The following CDC45 variants were observed in gnomAD, a reference collection of about 807,000 sequenced individuals.
The protein encoded by CDC45 is cell division control protein 45 homolog.
Under a neutral mutation model 77.8 loss-of-function variants are expected in CDC45, and 54 were observed. The ratio of observed to expected loss-of-function variants is 0.69; its 90% CI spans 0.56 to 0.87. The LOEUF (loss-of-function observed/expected upper bound fraction) is 0.87. Ranked by LOEUF, CDC45 falls within the 40% of genes least tolerant of loss-of-function variation. CDC45 has a pLI of 0.00. For synonymous variants in CDC45, 260 were observed against 272.1 expected (o/e 0.96, Z 0.44); for missense variants, 649 against 721.6 (o/e 0.90, Z 1.15).
At chr22:19,498,013 GAA>G (rs11289637) in intron 8 of CDC45, among the ~76,000 whole-genome samples, 7 of 149,872 alleles carry the variant, frequency 4.7e-5, no homozygotes, top group Middle Eastern at 3.4e-3. Flanking sequence ...ACCAAAAATA[GAA>G]AAAAAAAAAT....
intron 9 of CDC45, among the ~76,000 whole-genome samples, chr22:19,499,664 C>G (rs1178205921): frequency 6.6e-6 from 1 of 152,228 alleles, no homozygotes; most frequent in East Asian, 1.9e-4. Flanking sequence ...ATCTGATAGA[C>G]TGACGGTGAG....
chr22:19,517,390 C>T (rs1191309485), intron 17 of CDC45, among the ~76,000 whole-genome samples: 2 of 152,206 alleles, frequency 1.3e-5, no homozygotes, highest in Non-Finnish European at 2.9e-5. Context: ...GTCAGATGAG[C>T]CCAGAATGGA....
chr22:19,483,180 C>CCCAGCACTT (rs1219378877), intron 4 of CDC45, among the ~76,000 whole-genome samples: 1 of 152,174 alleles, frequency 6.6e-6, no homozygotes, highest in Non-Finnish European at 1.5e-5. Context: ...CGCCTGTAAT[C>CCCAGCACTT]CCAGCACTTT....
chr22:19,519,874 C>T (rs1346102918), intron 18 of CDC45, among the ~76,000 whole-genome samples: 3 of 152,088 alleles, frequency 2.0e-5, no homozygotes, highest in Non-Finnish European at 4.4e-5. Context: ...GAGTCAGACC[C>T]TCGGGGTTTT....
intron 9 of CDC45, among the ~76,000 whole-genome samples, chr22:19,500,464 T>C (rs1202707890): frequency 6.6e-6 from 1 of 152,188 alleles, no homozygotes; most frequent in African/African-American, 2.4e-5. Context: ...CTCCGAAACA[T>C]GTAGACCCTG....
intron 4 of CDC45, 129 bp downstream of exon 4, chr22:19,482,956 T>C (rs865888325): frequency 1.7e-5 from 13 of 781,470 alleles, no homozygotes; most frequent in Middle Eastern, 2.4e-4. Flanking sequence ...ACACAAGAAC[T>C]TGGTCTTTGT....
intron 6 of CDC45, among the ~76,000 whole-genome samples, 194 bp from the exon 7 acceptor site, chr22:19,495,787 A>G (rs1306006231): frequency 2.6e-5 from 4 of 152,224 alleles, no homozygotes; most frequent in Admixed American, 2.6e-4. Context: ...ACACCACTGC[A>G]CTTCAGCCTG....
intron 12 of CDC45, among the ~76,000 whole-genome samples, chr22:19,508,086 A>G (rs1933302904): frequency 6.6e-6 from 1 of 152,070 alleles, no homozygotes; most frequent in African/African-American, 2.4e-5. Context: ...GACTTCTTCA[A>G]GCTTGTGAGG....
At position 19,514,771 on chromosome 22, in the gene CDC45, C is replaced by A; in HGVS notation, c.1240C>A (p.His414Asn). The A allele has an allele frequency of 6.2e-7, 1 of 1,612,774 alleles. No individual in the cohort carries two copies. Among genetic ancestry groups the A allele is most frequent in the Non-Finnish European group, 8.5e-7 (1 of 1,179,298 alleles). ...LSRSNLDKLY[H>N]GLELAKKQLR... ...CAGGAGTAACCTGGACAAGCTGTAC[C>A]ATGGCCTGGAACTCGCCAAGAAGCA... Residue 414 changes from histidine to asparagine, a missense_variant, in exon 14 of 19, where the codon CAT (histidine) becomes AAT (asparagine). Coordinates refer to ENST00000263201, the MANE Select transcript of CDC45 (RefSeq NM_003504.5).
chr22:19,513,794 TC>T (rs1444827570), intron 13 of CDC45, among the ~76,000 whole-genome samples: 1 of 152,170 alleles, frequency 6.6e-6, no homozygotes, highest in Non-Finnish European at 1.5e-5. Flanking sequence ...TCTTTACTAT[TC>T]CCCCCACAGA....
intron 3 of CDC45, 93 bp from the exon 4 acceptor site, chr22:19,482,597 A>C: frequency 2.2e-6 from 3 of 1,358,666 alleles, no homozygotes; most frequent in Non-Finnish European, 3.1e-6. Context: ...TCAGGGACTG[A>C]GTGAGTTTAA....
rs756450477 is a variant in CDC45 at position 19,483,930 on chromosome 22, AGAG to A, written c.417_419del (p.Glu139del). 6.2e-7 allele frequency: 1 copy of A among 1,613,896 alleles called. No homozygotes were observed. Among genetic ancestry groups the A allele is most frequent in the South Asian group, 1.1e-5 (1 of 91,020 alleles). On this transcript the variant is annotated inframe_deletion, in exon 5 of 19. Coordinates refer to ENST00000263201, the MANE Select transcript of CDC45 (RefSeq NM_003504.5). Reference sequence around the variant, plus strand: ...CCTATGAAGACATCTTCAGGGATGAAGAGGAGGATGAAGAGCATTCAGGAAATG... The same window carrying A: ...CCTATGAAGACATCTTCAGGGATGAAGAGGATGAAGAGCATTCAGGAAATG...
chr22:19,505,520 C>G, intron 10 of CDC45, 39 bp downstream of exon 10: 1 of 1,609,494 alleles, frequency 6.2e-7, no homozygotes, highest in Non-Finnish European at 8.5e-7. Context: ...CAGGCAGCAC[C>G]CCTGCTCAGC....
chr22:19,514,836 C>T lies in CDC45; in HGVS notation c.1305C>T (p.Cys435=). Reference sequence around the variant, plus strand: ...AGCAGACCATTGCCAGCTGCCTTTGCACCAACCTCGTCATCTCCCAGGGGC... The same window carrying T: ...AGCAGACCATTGCCAGCTGCCTTTGTACCAACCTCGTCATCTCCCAGGGGC... The part of the protein sequence containing the change: ...ATQQTIASCL[C]TNLVISQGPF... The change falls in exon 14 of 19, where the codon TGC becomes TGT. Residue 435 remains cysteine, a synonymous_variant. Coordinates refer to ENST00000263201, the MANE Select transcript of CDC45 (RefSeq NM_003504.5). 4 of 1,614,214 alleles carry T rather than the reference C, an allele frequency of 2.5e-6. No homozygotes were observed. Among genetic ancestry groups the T allele is most frequent in the Non-Finnish European group, 3.4e-6 (4 of 1,180,028 alleles).
chr22:19,505,125 C>T (rs988205512), intron 9 of CDC45: 4 of 535,320 alleles, frequency 7.5e-6, no homozygotes, highest in African/African-American at 1.9e-5. Flanking sequence ...AGGTGTGAGA[C>T]CCATGAGGAC....
chr22:19,485,239 A>C (rs1263966946), intron 5 of CDC45, among the ~76,000 whole-genome samples: 2 of 152,208 alleles, frequency 1.3e-5, no homozygotes, highest in Non-Finnish European at 2.9e-5. Flanking sequence ...TAAGTCTTGG[A>C]ATTTTCCACT....
At chr22:19,488,480 C>G (rs1268581126) in intron 5 of CDC45, among the ~76,000 whole-genome samples, 2 of 152,220 alleles carry the variant, frequency 1.3e-5, no homozygotes, top group Non-Finnish European at 2.9e-5. Context: ...TACAACATGA[C>G]TGCTCAGGCT....
chr22:19,489,940 C>T (rs2090129182), intron 5 of CDC45, among the ~76,000 whole-genome samples: 1 of 152,182 alleles, frequency 6.6e-6, no homozygotes, highest in African/African-American at 2.4e-5. Context: ...TCACTTTTTA[C>T]TTCACGTATT....
chr22:19,482,736 T>C lies in CDC45; in HGVS notation c.251T>C (p.Leu84Ser). 6.2e-7 allele frequency: 1 copy of C among 1,612,646 alleles called. No individual in the cohort carries two copies. Residue 84 changes from leucine to serine, a missense_variant, in exon 4 of 19, where the codon TTG becomes TCG. Physicochemically the swap from Leu to Ser is moderately radical, Grantham distance 145. Transcript: ENST00000263201. Reference protein sequence around the residue: ...LINCGANVDLLDILQPDEDTI... With the variant: ...LINCGANVDLSDILQPDEDTI... ...AACTGTGGAGCTAATGTAGACCTAT[T>C]GGATATTCTTCAACCTGATGAAGAC...
Sources: gnomAD v4.1 joint callset for allele counts (sites outside exome capture counted in the v4.1 genomes callset) on GRCh38, gnomAD v4.1.1 for gene constraint, MANE v1.5 for transcripts, NCBI Gene and HGNC (gene_info 2026-07-23, HGNC 2026-07-21) for gene names.